RGL1: variants seen among roughly 807,000 people sequenced by gnomAD.
RGL1 encodes ral guanine nucleotide dissociation stimulator-like 1.
A neutral mutation model predicts 95.2 loss-of-function variants in RGL1; 24 were observed. That is an observed-to-expected ratio of 0.25 (90% CI 0.18 to 0.35). The LOEUF (loss-of-function observed/expected upper bound fraction) is 0.35, where lower values mean the gene tolerates loss of function less well. Among genes scored for constraint, RGL1 ranks in the 10% least tolerant of loss-of-function variants. RGL1 has a pLI of 1.00. For synonymous variants in RGL1, 329 were observed against 344.9 expected, an observed-to-expected ratio of 0.95 and a Z score of 0.51; for missense variants, 715 against 936.3, an observed-to-expected ratio of 0.76 and a Z score of 3.08.
At chr1:183,872,321 C>A (rs913937126) in intron 4 of RGL1, among the ~76,000 whole-genome samples, 1 of 152,164 alleles carries the variant, frequency 6.6e-6, no homozygotes, top group African/African-American at 2.4e-5. Flanking sequence ...CTCCCTCTCT[C>A]TATATATAAC....
At chr1:183,685,548 GT>G (rs1162188239) in intron 1 of RGL1, among the ~76,000 whole-genome samples, 1 of 152,158 alleles carries the variant, frequency 6.6e-6, no homozygotes, top group Non-Finnish European at 1.5e-5. Flanking sequence ...GTTACTGTAT[GT>G]AATATTAAAA....
intron 2 of RGL1, among the ~76,000 whole-genome samples, chr1:183,811,604 T>G (rs1661717086): frequency 1.3e-5 from 2 of 152,250 alleles, no homozygotes; most frequent in Non-Finnish European, 1.5e-5. Flanking sequence ...AATCCACTGA[T>G]AGGGTAGCCT....
chr1:183,812,004 G>C (rs1198619479), intron 2 of RGL1, among the ~76,000 whole-genome samples: 1 of 152,118 alleles, frequency 6.6e-6, no homozygotes, highest in Non-Finnish European at 1.5e-5. Flanking sequence ...TTAGAGCTTA[G>C]CTGGAATTTG....
chr1:183,906,657 G>A (rs1010730905), intron 13 of RGL1, among the ~76,000 whole-genome samples: 2 of 152,158 alleles, frequency 1.3e-5, no homozygotes, highest in Non-Finnish European at 2.9e-5. Context: ...GGAGGGGGAG[G>A]TAGTAGAGGA....
intron 2 of RGL1, among the ~76,000 whole-genome samples, chr1:183,838,338 G>C (rs1027927758): frequency 6.6e-6 from 1 of 152,142 alleles, no homozygotes; most frequent in South Asian, 2.1e-4. Flanking sequence ...CCTTCAGGAG[G>C]GTTCCTGGAC....
At chr1:183,792,700 C>T (rs1660494021) in intron 2 of RGL1, among the ~76,000 whole-genome samples, 1 of 151,954 alleles carries the variant, frequency 6.6e-6, no homozygotes, top group Non-Finnish European at 1.5e-5. Context: ...AAAGCAACCC[C>T]ATTTATGATA....
chr1:183,721,554 C>G (rs936110715), intron 1 of RGL1, among the ~76,000 whole-genome samples: 1 of 152,240 alleles, frequency 6.6e-6, no homozygotes, highest in Non-Finnish European at 1.5e-5. Flanking sequence ...CTTTCCCCTT[C>G]TGTCCTCTGC....
chr1:183,736,697 C>T (rs1019868626), intron 1 of RGL1, among the ~76,000 whole-genome samples: 17 of 152,064 alleles, frequency 1.1e-4, no homozygotes, highest in South Asian at 2.1e-4. Flanking sequence ...GGCAGAAAGA[C>T]AAATAATCAT....
At chr1:183,806,537 C>T (rs752955276) in intron 2 of RGL1, 52 bp downstream of exon 2, 6 of 1,193,658 alleles carry the variant, frequency 5.0e-6, no homozygotes, top group South Asian at 3.8e-5. Flanking sequence ...GTCTGTCGTT[C>T]TGTGAATATC....
chr1:183,752,233 A>ATT (rs201979430), intron 2 of RGL1, among the ~76,000 whole-genome samples: 48 of 147,406 alleles, frequency 3.3e-4, no homozygotes, highest in African/African-American at 1.1e-3. Context: ...AGATTTCTTA[A>ATT]TTTTTTTTTT....
chr1:183,811,645 A>G (rs542991198), intron 2 of RGL1, among the ~76,000 whole-genome samples: 2 of 152,356 alleles, frequency 1.3e-5, no homozygotes, highest in Admixed American at 6.5e-5. Context: ...GTAAATTTAA[A>G]TTGCCTGAGA....
At chr1:183,803,846 A>G (rs1661121807), upstream of RGL1, among the ~76,000 whole-genome samples, 2 of 152,214 alleles carry the variant, frequency 1.3e-5, no homozygotes, top group African/African-American at 4.8e-5. Context: ...TCTGGTTCCC[A>G]GCAACATTCT....
At chr1:183,803,478 C>T (rs1217961668), upstream of RGL1, among the ~76,000 whole-genome samples, 1 of 152,190 alleles carries the variant, frequency 6.6e-6, no homozygotes, top group Non-Finnish European at 1.5e-5. Flanking sequence ...GAAGCTAGTT[C>T]TTTTCCCTTT....
At chr1:183,868,931 G>A (rs537368244) in intron 4 of RGL1, among the ~76,000 whole-genome samples, 1 of 152,198 alleles carries the variant, frequency 6.6e-6, no homozygotes, top group African/African-American at 2.4e-5. Flanking sequence ...CCTGGGCAAC[G>A]TAGTGGGACT....
chr1:183,695,216 A>ATC (rs769964629), intron 1 of RGL1, among the ~76,000 whole-genome samples: 2 of 152,244 alleles, frequency 1.3e-5, no homozygotes, highest in African/African-American at 2.4e-5. Flanking sequence ...AGTCCTTGAT[A>ATC]GGAGCTCTGC....
intron 2 of RGL1, among the ~76,000 whole-genome samples, chr1:183,779,033 G>C (rs1326998940): frequency 6.6e-6 from 1 of 152,160 alleles, no homozygotes; most frequent in Non-Finnish European, 1.5e-5. Flanking sequence ...AGGTGGCTGG[G>C]AGGAAGAAAG....
intron 3 of RGL1, among the ~76,000 whole-genome samples, chr1:183,864,789 C>T (rs559583951): frequency 6.6e-6 from 1 of 152,130 alleles, no homozygotes; most frequent in Admixed American, 6.6e-5. Flanking sequence ...GATGGGTGAG[C>T]TGGTGCCTAA....
At chr1:183,862,080 G>A (rs756914672) in intron 3 of RGL1, among the ~76,000 whole-genome samples, 1 of 152,176 alleles carries the variant, frequency 6.6e-6, no homozygotes, top group African/African-American at 2.4e-5. Flanking sequence ...GTTGGCTTAT[G>A]CCTGTAATCC....
At chr1:183,815,809 G>A (rs1662044920) in intron 2 of RGL1, among the ~76,000 whole-genome samples, 1 of 152,272 alleles carries the variant, frequency 6.6e-6, no homozygotes, top group Non-Finnish European at 1.5e-5. Context: ...GCTAGGATAT[G>A]GTGTGCACTC....
Sources: gnomAD v4.1 joint callset for allele counts (sites outside exome capture counted in the v4.1 genomes callset) on GRCh38, gnomAD v4.1.1 for gene constraint, MANE v1.5 for transcripts, NCBI Gene and HGNC (gene_info 2026-07-23, HGNC 2026-07-21) for gene names.